FBXL13: variants seen among roughly 807,000 people sequenced by gnomAD.
The protein encoded by FBXL13 is F-box and leucine-rich repeat protein 13.
FBXL13 carries 67 observed loss-of-function variants against 83.6 expected under a neutral mutation model. That is an observed-to-expected ratio of 0.80 (90% CI 0.66 to 0.98). FBXL13 has a LOEUF of 0.98. FBXL13 is among the 50% of genes least tolerant of loss of function. FBXL13 has a pLI of 0.00. For synonymous variants in FBXL13, 272 were observed against 299.5 expected, an observed-to-expected ratio of 0.91 and a Z score of 0.95; for missense variants, 822 against 866.5, an observed-to-expected ratio of 0.95 and a Z score of 0.64.
intron 8 of FBXL13, among the ~76,000 whole-genome samples, chr7:102,935,732 A>T (rs1465004749): frequency 3.3e-5 from 5 of 152,212 alleles, no homozygotes; most frequent in African/African-American, 1.2e-4. Flanking sequence ...GAACCATGTA[A>T]CAATGTCTAT....
At chr7:102,867,781 C>G (rs1309446853) in intron 16 of FBXL13, among the ~76,000 whole-genome samples, 1 of 140,860 alleles carries the variant, frequency 7.1e-6, no homozygotes, top group Admixed American at 7.5e-5. Flanking sequence ...TGGCTCACTG[C>G]AAGCTCCGCC....
intron 11 of FBXL13, among the ~76,000 whole-genome samples, chr7:102,898,355 T>G (rs1395794022): frequency 6.6e-6 from 1 of 152,180 alleles, no homozygotes; most frequent in Non-Finnish European, 1.5e-5. Flanking sequence ...TCTTCTCTCT[T>G]TTTGAGACAG....
intron 8 of FBXL13, chr7:102,942,138 G>A (rs539774637): frequency 4.0e-5 from 21 of 522,922 alleles, no homozygotes; most frequent in South Asian, 3.5e-4. Flanking sequence ...TCTCAGGAAC[G>A]TATTTCCTAC....
intron 18 of FBXL13, 92 bp downstream of exon 19, chr7:102,832,748 A>G: frequency 2.9e-6 from 4 of 1,403,028 alleles, no homozygotes; most frequent in Non-Finnish European, 2.8e-6. Flanking sequence ...GGCAAAGAGA[A>G]CATATTCTGA....
rs190933877 is a variant in FBXL13 at position 102,976,773 on chromosome 7, G to A, written c.496-8656C>T. ...CACCTCCTCGCCAGTCACCTACTCCGCCCAACATACTCCCCTTTTAACACA... is the reference window on the plus strand; with the variant it reads ...CACCTCCTCGCCAGTCACCTACTCCACCCAACATACTCCCCTTTTAACACA... On this transcript the variant is annotated intron_variant, in intron 6 of 19. Transcript: ENST00000313221. Among the ~76,000 whole-genome samples the A allele has an allele frequency of 2.8e-4, 43 of 152,112 alleles. 1 individual carries two copies. The East Asian group carries it at 7.2e-3, about 25-fold the overall frequency.
At chr7:103,005,681 G>A (rs901032610) in intron 6 of FBXL13, among the ~76,000 whole-genome samples, 7 of 152,110 alleles carry the variant, frequency 4.6e-5, no homozygotes, top group African/African-American at 7.2e-5. Flanking sequence ...TTAAAAGGGC[G>A]CCAGTTCTAC....
At chr7:102,836,314 C>T (rs575193840) in intron 17 of FBXL13, among the ~76,000 whole-genome samples, 3 of 152,274 alleles carry the variant, frequency 2.0e-5, no homozygotes, top group East Asian at 1.9e-4. Flanking sequence ...GGCAGATTGG[C>T]GAACTAAAGT....
At chr7:102,889,430 A>G (rs1391297984) in intron 11 of FBXL13, among the ~76,000 whole-genome samples, 1 of 152,146 alleles carries the variant, frequency 6.6e-6, no homozygotes, top group East Asian at 1.9e-4. Flanking sequence ...TTATTATTAT[A>G]CTTTAAGTTC....
At chr7:102,822,782 T>A (rs1207416832) in intron 18 of FBXL13, among the ~76,000 whole-genome samples, 1 of 152,162 alleles carries the variant, frequency 6.6e-6, no homozygotes, top group Non-Finnish European at 1.5e-5. Context: ...CAATAGAAAT[T>A]ATGATCTTAG....
chr7:103,070,078 CAAA>C (rs76010935), intron 1 of FBXL13, among the ~76,000 whole-genome samples: 12 of 67,304 alleles, frequency 1.8e-4, no homozygotes, highest in Admixed American at 3.3e-4. Context: ...GACTCTGTCT[CAAA>C]AAAAAAAAAA....
intron 8 of FBXL13, among the ~76,000 whole-genome samples, chr7:102,950,311 GACAGC>G (rs1823215708): frequency 6.6e-6 from 1 of 152,180 alleles, no homozygotes; most frequent in African/African-American, 2.4e-5. Flanking sequence ...CCATAACTGT[GACAGC>G]ACCAAATGCT....
At chr7:103,040,701 G>A (rs1377540042) in intron 2 of FBXL13, among the ~76,000 whole-genome samples, 1 of 152,084 alleles carries the variant, frequency 6.6e-6, no homozygotes, top group East Asian at 1.9e-4. Flanking sequence ...CATGGAAACT[G>A]AACAACCTGC....
chr7:102,947,027 G>A (rs993627027), intron 8 of FBXL13, among the ~76,000 whole-genome samples: 1 of 152,126 alleles, frequency 6.6e-6, no homozygotes, highest in Non-Finnish European at 1.5e-5. Context: ...CAGAGGTGGG[G>A]ACTTAGAGAC....
intron 18 of FBXL13, among the ~76,000 whole-genome samples, chr7:102,831,951 CATAGT>C (rs1189455492): frequency 6.6e-6 from 1 of 151,974 alleles, no homozygotes; most frequent in Non-Finnish European, 1.5e-5. Flanking sequence ...GAGATATGTC[CATAGT>C]ATATTAAAAA....
rs768083168 is a variant in FBXL13, at chr7:102,934,119, A to G, written c.725-2186T>C. The G allele has an allele frequency of 3.6e-5, 58 of 1,613,968 alleles. No homozygotes were observed. Among genetic ancestry groups the G allele is most frequent in the Non-Finnish European group, 4.9e-5 (58 of 1,179,934 alleles). The stretch of plus-strand genomic sequence containing the variant: ...CATGAGAAATACTTAGATTGTCAAG[A>G]AAGAAAATTAGTTTATGTGCTGCCT... On this transcript the variant is annotated intron_variant, in intron 8 of 19. Coordinates refer to ENST00000313221, the Ensembl canonical transcript of FBXL13.
At chr7:102,963,929 G>C (rs1317533279) in intron 7 of FBXL13, among the ~76,000 whole-genome samples, 1 of 152,156 alleles carries the variant, frequency 6.6e-6, no homozygotes, top group Non-Finnish European at 1.5e-5. Context: ...CGAAGAACAT[G>C]AACAGATACT....
chr7:102,981,498 T>C (rs10253514), intron 6 of FBXL13, among the ~76,000 whole-genome samples: 2,054 of 152,308 alleles, frequency 0.013, 53 homozygotes, highest in African/African-American at 0.047. Flanking sequence ...CTCTAGAAGA[T>C]AGTATCCTAA....
At chr7:103,062,566 T>C (rs1419931134) in intron 1 of FBXL13, among the ~76,000 whole-genome samples, 1 of 152,002 alleles carries the variant, frequency 6.6e-6, no homozygotes, top group Non-Finnish European at 1.5e-5. Context: ...AATACTTAGT[T>C]TTCCTACAAT....
At chr7:103,063,155 T>G (rs1798081222) in intron 1 of FBXL13, among the ~76,000 whole-genome samples, 1 of 152,178 alleles carries the variant, frequency 6.6e-6, no homozygotes, top group Non-Finnish European at 1.5e-5. Flanking sequence ...GAGTCCACTT[T>G]CAGATCTTCA....
Sources: allele counts gnomAD v4.1 joint callset (sites outside exome capture counted in the v4.1 genomes callset), GRCh38; gene constraint gnomAD v4.1.1; transcripts MANE v1.5; gene names NCBI Gene and HGNC (gene_info 2026-07-23, HGNC 2026-07-21).